ITK: variants seen among roughly 807,000 people sequenced by gnomAD.
ITK encodes the protein tyrosine-protein kinase ITK/TSK.
Under a neutral mutation model 87.6 loss-of-function variants are expected in ITK, and 45 were observed. That is an observed-to-expected ratio of 0.51 (90% CI 0.40 to 0.66). The LOEUF is 0.66. ITK is among the 30% of genes least tolerant of loss of function. ITK has a pLI of 0.00. For synonymous variants in ITK, 303 were observed against 273.6 expected (o/e 1.11, Z -1.06); for missense variants, 605 against 766.3 (o/e 0.79, Z 2.48).
intron 1 of ITK, among the ~76,000 whole-genome samples, chr5:157,182,969 A>G (rs1753567762): frequency 6.6e-6 from 1 of 152,160 alleles, no homozygotes; most frequent in Admixed American, 6.6e-5. Context: ...AGCATTATGG[A>G]AAATTTCAAG....
intron 13 of ITK, 98 bp from the exon 14 acceptor site, chr5:157,245,628 C>A: frequency 1.1e-6 from 1 of 923,520 alleles, no homozygotes; most frequent in Non-Finnish European, 1.8e-6. Flanking sequence ...GACAGCACTG[C>A]AGTAAAGCAA....
chr5:157,181,597 C>T (rs1217508190), intron 1 of ITK, among the ~76,000 whole-genome samples: 1 of 152,142 alleles, frequency 6.6e-6, no homozygotes, highest in African/African-American at 2.4e-5. Context: ...TCAGTGTTAA[C>T]GTTTTCATGA....
chr5:157,219,982 T>C lies in ITK; in HGVS notation c.495+2075T>C, dbSNP rs185701462. On this transcript the variant is annotated intron_variant, in intron 5 of 16. Coordinates refer to ENST00000422843, the MANE Select transcript of ITK (RefSeq NM_005546.4). ...GACCACAAAGGTTTTGGAATCATTG[T>C]TCTAGTTTCAACCGCATGTCTAAAT... is the stretch of plus-strand genomic sequence containing the variant. Among the ~76,000 whole-genome samples, 520 of 152,366 alleles carry C rather than the reference T, an allele frequency of 3.4e-3. 2 individuals are homozygous for C. Among genetic ancestry groups the C allele is most frequent in the Non-Finnish European group, 5.6e-3 (381 of 68,032 alleles).
Position 157,211,273 on chromosome 5 carries a change from G to A in ITK, c.244-14G>A, listed in dbSNP as rs746623551. The A allele has an allele frequency of 1.1e-5, 17 of 1,610,044 alleles. No homozygotes were observed. The highest frequency in any genetic ancestry group is 1.4e-5 in the Non-Finnish European group (16 of 1,176,574). ...GCACGCTGCTCACCTTGAACTCTGTGTGTGTGTCTCCAGGTGGTGCATGAC... is the reference window on the plus strand; with the variant it reads ...GCACGCTGCTCACCTTGAACTCTGTATGTGTGTCTCCAGGTGGTGCATGAC... On this transcript the variant is annotated splice_polypyrimidine_tract_variant and intron_variant, in intron 2 of 16. Transcript: ENST00000422843.
intron 1 of ITK, among the ~76,000 whole-genome samples, chr5:157,182,205 AAAT>A (rs1753546667): frequency 6.6e-6 from 1 of 152,172 alleles, no homozygotes; most frequent in African/African-American, 2.4e-5. Context: ...ACTGAAGGGA[AAAT>A]AATATTAGGT....
At chr5:157,249,064 C>A in intron 16 of ITK, 57 bp downstream of exon 16, 1 of 1,482,400 alleles carries the variant, frequency 6.7e-7, no homozygotes, top group Non-Finnish European at 9.4e-7. Flanking sequence ...GGACCTCCCT[C>A]CTTCCCTAGA....
At chr5:157,220,765 A>T (rs1393641553) in intron 5 of ITK, among the ~76,000 whole-genome samples, 1 of 152,208 alleles carries the variant, frequency 6.6e-6, no homozygotes, top group African/African-American at 2.4e-5. Context: ...TTAATGACAG[A>T]TATTTTGTAA....
chr5:157,252,201 G>C (rs1451697629), intron 16 of ITK, among the ~76,000 whole-genome samples: 1 of 152,046 alleles, frequency 6.6e-6, no homozygotes, highest in Non-Finnish European at 1.5e-5. Context: ...AGATCATGTA[G>C]ATATTTTCTG....
intron 1 of ITK, among the ~76,000 whole-genome samples, chr5:157,208,275 G>T (rs548818944): frequency 8.0e-4 from 122 of 152,250 alleles, no homozygotes; most frequent in African/African-American, 2.7e-3. Context: ...TAGTTATCAG[G>T]GAAATACAGC....
intron 6 of ITK, among the ~76,000 whole-genome samples, chr5:157,224,611 C>G (rs1754494040): frequency 6.6e-6 from 1 of 152,102 alleles, no homozygotes; most frequent in Non-Finnish European, 1.5e-5. Flanking sequence ...GAAACCCCAT[C>G]TCTACTAAAA....
At position 157,244,475 on chromosome 5, in the gene ITK, C is replaced by T. The variant is rs1270596383; in HGVS notation, c.1446C>T (p.Asp482=). 8 of 1,590,984 alleles carry T rather than the reference C, an allele frequency of 5.0e-6. No homozygotes were observed. The highest frequency in any genetic ancestry group is 2.7e-5 in the African/African-American group (2 of 74,468). The change falls in exon 13 of 17, where the codon GAC becomes GAT. Residue 482 remains aspartate, a synonymous_variant. Coordinates refer to ENST00000422843, the MANE Select transcript of ITK (RefSeq NM_005546.4). ...YLEEACVIHR[D]LAARNCLVGE... is the part of the protein sequence containing the mutation. ...AAGAGGCATGTGTCATCCACAGAGACTTGGTATGAGCATGCAGGGTGAACA... is the reference window on the plus strand; with the variant it reads ...AAGAGGCATGTGTCATCCACAGAGATTTGGTATGAGCATGCAGGGTGAACA...
chr5:157,217,209 GGAGAA>G (rs1488616518), intron 4 of ITK, among the ~76,000 whole-genome samples: 1 of 151,996 alleles, frequency 6.6e-6, no homozygotes, highest in Non-Finnish European at 1.5e-5. Flanking sequence ...GAAAGAGAGA[GGAGAA>G]GAGAAGAGAA....
intron 3 of ITK, 77 bp downstream of exon 3, chr5:157,211,445 G>A: frequency 1.6e-6 from 2 of 1,229,188 alleles, no homozygotes; most frequent in Admixed American, 1.7e-5. Flanking sequence ...ATAGAATAGA[G>A]TGTGGTGTGA....
At chr5:157,211,857 G>A (rs973847689) in intron 3 of ITK, among the ~76,000 whole-genome samples, 2 of 152,172 alleles carry the variant, frequency 1.3e-5, no homozygotes, top group Admixed American at 1.3e-4. Context: ...TGTTTAAAAG[G>A]AAGAAAAGGA....
intron 6 of ITK, among the ~76,000 whole-genome samples, chr5:157,226,490 T>C (rs1754533937): frequency 6.6e-6 from 1 of 152,244 alleles, no homozygotes; most frequent in African/African-American, 2.4e-5. Context: ...CAGAATAAGC[T>C]GACTTTCTTC....
In ITK at chr5:157,238,271, T is replaced by C. The variant is rs59272074; in HGVS notation, c.851+80T>C. The C allele has an allele frequency of 9.1e-4, 978 of 1,079,306 alleles. 9 individuals are homozygous for C. The African/African-American group carries it at 0.013, about 14-fold the overall frequency. The allele number at this position is 1,079,306 out of a possible 1,614,324, so 66.9% of individuals were successfully genotyped here. A position where few individuals can be genotyped will look rare whatever the true frequency, so the allele number is the denominator to read the frequency against. On this transcript the variant is annotated intron_variant, in intron 9 of 16. Coordinates refer to ENST00000422843, the MANE Select transcript of ITK (RefSeq NM_005546.4). ...AGCACTGGGGAAAAGACAACAAAGTTAGACAGTGCAAGAGGTAGAGGCTCA... is the reference window on the plus strand; with the variant it reads ...AGCACTGGGGAAAAGACAACAAAGTCAGACAGTGCAAGAGGTAGAGGCTCA...
rs755430995 is a variant in ITK, at chr5:157,245,805, TGGTGCC to T, written c.1514+20_1514+25del. ...GGGATGACAAGGTAAAAGAGGGATG[TGGTGCC>T]GGTGAAGTCTCAGGAATGGGACTGA... On this transcript the variant is annotated intron_variant, in intron 14 of 16. Coordinates refer to ENST00000422843, the MANE Select transcript of ITK (RefSeq NM_005546.4). 6.2e-7 allele frequency: 1 copy of T among 1,613,740 alleles called. No homozygotes were observed. Among genetic ancestry groups the T allele is most frequent in the Admixed American group, 1.7e-5 (1 of 60,028 alleles).
chr5:157,182,400 G>A (rs1378179045), intron 1 of ITK, among the ~76,000 whole-genome samples: 1 of 152,128 alleles, frequency 6.6e-6, no homozygotes. Flanking sequence ...TAAAGTTGCA[G>A]GTGTTGCATG....
intron 12 of ITK, 106 bp downstream of exon 12, chr5:157,243,900 TC>T: frequency 9.4e-7 from 1 of 1,059,008 alleles, no homozygotes; most frequent in Non-Finnish European, 1.5e-6. Context: ...CTGCGCAAAC[TC>T]CCAGCAGTGG....
Sources: allele counts gnomAD v4.1 joint callset (sites outside exome capture counted in the v4.1 genomes callset), GRCh38; gene constraint gnomAD v4.1.1; transcripts MANE v1.5; gene names NCBI Gene and HGNC (gene_info 2026-07-23, HGNC 2026-07-21).